POC1B: variants seen among roughly 807,000 people sequenced by gnomAD.
POC1B encodes the protein POC1 centriolar protein B.
Under a neutral mutation model 60.6 loss-of-function variants are expected in POC1B, and 44 were observed. The observed-to-expected ratio is 0.73, with a 90% confidence interval of 0.57 to 0.93. The LOEUF is 0.93. Ranked by LOEUF, POC1B falls within the 40% of genes least tolerant of loss-of-function variation. The pLI, the probability that POC1B is intolerant of heterozygous loss-of-function variation, is 0.00. For missense variants in POC1B, 555 were observed against 572.3 expected, an observed-to-expected ratio of 0.97 and a Z score of 0.31; for synonymous variants, 180 against 198.9, an observed-to-expected ratio of 0.90 and a Z score of 0.80.
chr12:89,450,212 C>A (rs1320538540), intron 10 of POC1B, among the ~76,000 whole-genome samples: 1 of 144,902 alleles, frequency 6.9e-6, no homozygotes, highest in Admixed American at 6.9e-5. Flanking sequence ...AAATCTTCTT[C>A]TTTTTTTTTT....
At chr12:89,440,746 T>TA in intron 10 of POC1B, among the ~76,000 whole-genome samples, 1 of 152,208 alleles carries the variant, frequency 6.6e-6, no homozygotes, top group Non-Finnish European at 1.5e-5. Context: ...CCAACTGAGG[T>TA]ACTGGGTTCA....
intron 10 of POC1B, among the ~76,000 whole-genome samples, chr12:89,457,551 G>A (rs1456210047): frequency 6.6e-6 from 1 of 152,160 alleles, no homozygotes; most frequent in Non-Finnish European, 1.5e-5. Context: ...CTAGATGGGA[G>A]TTTATTAGCA....
At chr12:89,504,576 G>C (rs1477675034) in intron 2 of POC1B, among the ~76,000 whole-genome samples, 1 of 147,282 alleles carries the variant, frequency 6.8e-6, no homozygotes, top group Non-Finnish European at 1.5e-5. Flanking sequence ...ATCCCTCTCT[G>C]CAAGAAACAC....
At chr12:89,416,678 A>T (rs1209925785), downstream of POC1B, among the ~76,000 whole-genome samples, 1 of 152,206 alleles carries the variant, frequency 6.6e-6, no homozygotes, top group Non-Finnish European at 1.5e-5. Flanking sequence ...GCCATGGAGG[A>T]ATACAGGCCC....
intron 10 of POC1B, among the ~76,000 whole-genome samples, chr12:89,455,018 T>C (rs1417104629): frequency 6.7e-6 from 1 of 150,156 alleles, no homozygotes; most frequent in Non-Finnish European, 1.5e-5. Flanking sequence ...TGTGTTTGAT[T>C]TCTTCTGAAG....
chr12:89,515,236 C>T (rs575420232), intron 2 of POC1B, among the ~76,000 whole-genome samples: 1 of 152,112 alleles, frequency 6.6e-6, no homozygotes. Context: ...ACAGAAATCT[C>T]TAATTGGGGA....
At chr12:89,499,241 A>C (rs1336052845) in intron 2 of POC1B, among the ~76,000 whole-genome samples, 1 of 152,204 alleles carries the variant, frequency 6.6e-6, no homozygotes, top group Non-Finnish European at 1.5e-5. Context: ...TAAGCGAATT[A>C]ATGCAGGAAC....
At chr12:89,516,275 C>T (rs1447113800) in intron 2 of POC1B, among the ~76,000 whole-genome samples, 1 of 152,204 alleles carries the variant, frequency 6.6e-6, no homozygotes, top group Non-Finnish European at 1.5e-5. Flanking sequence ...TTCTGATCTA[C>T]AGGTTGGATA....
chr12:89,422,062 T>C (rs1880562073), intron 11 of POC1B, among the ~76,000 whole-genome samples: 1 of 152,100 alleles, frequency 6.6e-6, no homozygotes, highest in South Asian at 2.1e-4. Context: ...AAAAAACTTA[T>C]TATAAAATGA....
At chr12:89,505,280 G>A (rs534468887) in intron 2 of POC1B, among the ~76,000 whole-genome samples, 5 of 152,294 alleles carry the variant, frequency 3.3e-5, no homozygotes, top group Admixed American at 3.3e-4. Flanking sequence ...ATCTATTGAA[G>A]CTGAATATAT....
At chr12:89,474,768 A>G (rs1883041339) in intron 4 of POC1B, among the ~76,000 whole-genome samples, 1 of 152,316 alleles carries the variant, frequency 6.6e-6, no homozygotes, top group South Asian at 2.1e-4. Context: ...AGAGCACTGG[A>G]AGTTCTGTGT....
At chr12:89,453,377 C>T (rs1280000282) in intron 10 of POC1B, among the ~76,000 whole-genome samples, 1 of 152,070 alleles carries the variant, frequency 6.6e-6, no homozygotes, top group Non-Finnish European at 1.5e-5. Context: ...AGGGAGGCAC[C>T]AGCTAGGGAG....
the POC1B span, among the ~76,000 whole-genome samples, chr12:89,402,956 T>A: frequency 1.3e-5 from 2 of 151,940 alleles, no homozygotes; most frequent in South Asian, 2.1e-4. Context: ...TGCCTCTGCC[T>A]CGCACAGTGC....
chr12:89,476,697 AATAGATAGATAGATAGATAGATAG>A (rs754459068), intron 4 of POC1B, among the ~76,000 whole-genome samples: 21 of 139,988 alleles, frequency 1.5e-4, no homozygotes, highest in East Asian at 4.3e-4. Context: ...AGACTGTCTC[AATAGATAGATAGATAGATAGATAG>A]ATAGATAGAT....
chr12:89,469,668 G>T (rs901290955), intron 7 of POC1B, among the ~76,000 whole-genome samples: 2 of 152,132 alleles, frequency 1.3e-5, no homozygotes, highest in Non-Finnish European at 2.9e-5. Context: ...AGGGAGAGGT[G>T]TGAGAGGCTG....
rs200895672 is a variant in POC1B at position 89,492,013 on chromosome 12, G to C, written c.375C>G (p.Ser125=). 8 of 1,608,948 alleles carry C rather than the reference G, an allele frequency of 5.0e-6. No individual in the cohort carries two copies. The highest frequency in any genetic ancestry group is 6.8e-6 in the Non-Finnish European group (8 of 1,178,226). The change falls in exon 4 of 12, where the codon TCC becomes TCG. Residue 125 remains serine, a synonymous_variant. Transcript: ENST00000313546. ...GGCGATACATGCTCCATACTTTTAT[G>C]GATTTGTCTTCAGAAGCTGTAGCTA... ...QFLATASEDK[S]IKVWSMYRQR...
chr12:89,471,563 T>C (rs1348062224), intron 6 of POC1B, 51 bp downstream of exon 6: 1 of 1,411,498 alleles, frequency 7.1e-7, no homozygotes, highest in Non-Finnish European at 1.0e-6. Flanking sequence ...AATCAGTCCT[T>C]CCAAAAGGAG....
At chr12:89,470,529 G>T (rs746124718) in intron 6 of POC1B, 35 bp from the exon 7 acceptor site, 1 of 1,515,728 alleles carries the variant, frequency 6.6e-7, no homozygotes, top group East Asian at 2.3e-5. Context: ...AAAGTTCAGA[G>T]AACAATTCTT....
At chr12:89,457,482 A>T (rs531315094) in intron 10 of POC1B, among the ~76,000 whole-genome samples, 1 of 152,230 alleles carries the variant, frequency 6.6e-6, no homozygotes, top group Non-Finnish European at 1.5e-5. Flanking sequence ...TGCACTATTA[A>T]AATAAAGTCC....
Sources: gnomAD v4.1 joint callset for allele counts (sites outside exome capture counted in the v4.1 genomes callset) on GRCh38, gnomAD v4.1.1 for gene constraint, MANE v1.5 for transcripts, NCBI Gene and HGNC (gene_info 2026-07-23, HGNC 2026-07-21) for gene names.